Variants in MIPOL1 observed in about 807,000 individuals in gnomAD.
MIPOL1 encodes mirror-image polydactyly 1.
In MIPOL1, 57 loss-of-function variants were observed where a neutral mutation model predicts 60.9. The ratio of observed to expected loss-of-function variants is 0.94; its 90% CI spans 0.76 to 1.17. The LOEUF (loss-of-function observed/expected upper bound fraction) is 1.17, where lower values mean the gene tolerates loss of function less well. MIPOL1 is among the 50% of genes most tolerant of loss of function. The pLI is 0.00. For missense variants in MIPOL1, 551 were observed against 511.6 expected (o/e 1.08, Z -0.74); for synonymous variants, 179 against 168.8 (o/e 1.06, Z -0.47).
At chr14:37,242,564 T>C (rs976159936) in intron 1 of MIPOL1, among the ~76,000 whole-genome samples, 1 of 152,206 alleles carries the variant, frequency 6.6e-6, no homozygotes, top group Non-Finnish European at 1.5e-5. Context: ...TCCATATGGT[T>C]GAGCCACATT....
intron 11 of MIPOL1, among the ~76,000 whole-genome samples, chr14:37,498,782 C>A (rs1049555792): frequency 6.6e-6 from 1 of 152,000 alleles, no homozygotes; most frequent in Non-Finnish European, 1.5e-5. Flanking sequence ...TCATATCCAT[C>A]CTAGTTCTAT....
At chr14:37,217,966 A>AT (rs925391300) in intron 1 of MIPOL1, among the ~76,000 whole-genome samples, 2 of 152,166 alleles carry the variant, frequency 1.3e-5, no homozygotes, top group African/African-American at 4.8e-5. Context: ...TACATCTCAC[A>AT]TTTAAAAAAA....
At chr14:37,427,533 T>G (rs2093986485) in intron 11 of MIPOL1, among the ~76,000 whole-genome samples, 1 of 152,176 alleles carries the variant, frequency 6.6e-6, no homozygotes, top group African/African-American at 2.4e-5. Context: ...TTACTGCCAG[T>G]AAGTTGTGCA....
intron 10 of MIPOL1, among the ~76,000 whole-genome samples, chr14:37,409,931 G>A (rs573205427): frequency 3.9e-5 from 6 of 152,244 alleles, no homozygotes; most frequent in East Asian, 1.9e-4. Flanking sequence ...ATTGGGCTCC[G>A]AAAAGGAGAG....
intron 12 of MIPOL1, among the ~76,000 whole-genome samples, chr14:37,511,572 T>G (rs575766250): frequency 6.6e-6 from 1 of 152,346 alleles, no homozygotes; most frequent in South Asian, 2.1e-4. Context: ...CATGAGAGAT[T>G]TAAAACTTTG....
At chr14:37,327,610 T>C (rs978468240) in intron 9 of MIPOL1, among the ~76,000 whole-genome samples, 18 of 152,086 alleles carry the variant, frequency 1.2e-4, no homozygotes, top group African/African-American at 3.9e-4. Context: ...TAGCTGACAG[T>C]GAAAGTGGAG....
intron 11 of MIPOL1, among the ~76,000 whole-genome samples, chr14:37,483,808 A>T (rs567062598): frequency 1.8e-4 from 28 of 152,076 alleles, no homozygotes; most frequent in African/African-American, 4.1e-4. Flanking sequence ...CTGATTTTTT[A>T]AAAATTTTGT....
At chr14:37,296,176 A>T (rs1177768217) in intron 7 of MIPOL1, among the ~76,000 whole-genome samples, 1 of 152,240 alleles carries the variant, frequency 6.6e-6, no homozygotes, top group Non-Finnish European at 1.5e-5. Context: ...AGCTACGTGG[A>T]AACTGAACAA....
At position 37,330,343 on chromosome 14, in the gene MIPOL1, A is replaced by T. The variant is rs913849397; in HGVS notation, c.828+21824A>T. On this transcript the variant is annotated intron_variant, in intron 9 of 12. Transcript: ENST00000684589. ...CTTTTAATTCAGCTACTATAATTGT[A>T]ATCTCAAATCCATTTAGTCTCCAAA... 9.2e-5 allele frequency among the ~76,000 whole-genome samples: 14 copies of T among 152,242 alleles called. No homozygotes were observed. In the Middle Eastern group the frequency reaches 0.01, roughly 111 times the overall value.
At chr14:37,450,873 TCCTC>T (rs1422418571) in intron 11 of MIPOL1, among the ~76,000 whole-genome samples, 2 of 152,128 alleles carry the variant, frequency 1.3e-5, no homozygotes, top group Non-Finnish European at 2.9e-5. Context: ...CGTGTCCACT[TCCTC>T]ATTGTTTTTA....
chr14:37,343,637 A>G (rs1486091986), intron 9 of MIPOL1, among the ~76,000 whole-genome samples: 1 of 152,186 alleles, frequency 6.6e-6, no homozygotes, highest in African/African-American at 2.4e-5. Flanking sequence ...TTAAAAACTT[A>G]GACGATGTTA....
chr14:37,493,468 C>T (rs560934888), intron 11 of MIPOL1, among the ~76,000 whole-genome samples: 2 of 152,140 alleles, frequency 1.3e-5, no homozygotes, highest in East Asian at 3.9e-4. Context: ...CCACTTCAGA[C>T]AGGAAATCTA....
intron 9 of MIPOL1, among the ~76,000 whole-genome samples, chr14:37,366,164 C>G (rs996089267): frequency 6.6e-6 from 1 of 151,086 alleles, no homozygotes; most frequent in African/African-American, 2.4e-5. Context: ...TTATTCATTT[C>G]TGCTCTGATC....
chr14:37,423,059 T>G (rs911535452), intron 11 of MIPOL1, 110 bp downstream of exon 11: 36 of 661,724 alleles, frequency 5.4e-5, no homozygotes, highest in South Asian at 2.1e-4. Context: ...TTAAATATTA[T>G]GCACTTAAAG....
intron 5 of MIPOL1, 143 bp downstream of exon 5, chr14:37,268,936 A>G (rs150203884): frequency 1.6e-6 from 1 of 634,784 alleles, no homozygotes; most frequent in Non-Finnish European, 2.5e-6. Context: ...ATACCTTGCC[A>G]TCAGGGTATG....
intron 10 of MIPOL1, among the ~76,000 whole-genome samples, chr14:37,398,710 C>T (rs2093425191): frequency 6.6e-6 from 1 of 152,134 alleles, no homozygotes. Context: ...AAATCACACC[C>T]CTTCTAGCAG....
chr14:37,529,893 T>G (rs4900945), intron 12 of MIPOL1, among the ~76,000 whole-genome samples: 115,837 of 152,146 alleles, frequency 0.76, 44,457 homozygotes, highest in African/African-American at 0.85. Context: ...AGTATGCAAA[T>G]GCATTTAGAT....
At chr14:37,538,931 G>A (rs969286263) in intron 12 of MIPOL1, among the ~76,000 whole-genome samples, 16 of 151,808 alleles carry the variant, frequency 1.1e-4, no homozygotes, top group African/African-American at 3.1e-4. Context: ...CAGCTGACGC[G>A]GTGGCTCACA....
rs189624439 is a variant in MIPOL1, at chr14:37,407,754, C to T, written c.937-15101C>T. 3.3e-5 allele frequency among the ~76,000 whole-genome samples: 5 copies of T among 150,668 alleles called. No individual in the cohort carries two copies. In the East Asian group the frequency reaches 9.8e-4, roughly 30 times the overall value. On this transcript the variant is annotated intron_variant, in intron 10 of 12. Coordinates refer to ENST00000684589, the MANE Select transcript of MIPOL1 (RefSeq NM_001388067.1). ...GATAATATTGGAAATTTACCTTGTA[C>T]TATTCTTAATCATTTAATCAAAATT... is the stretch of plus-strand genomic sequence containing the variant.
Sources: allele counts gnomAD v4.1 joint callset (sites outside exome capture counted in the v4.1 genomes callset), GRCh38; gene constraint gnomAD v4.1.1; transcripts MANE v1.5; gene names NCBI Gene and HGNC (gene_info 2026-07-23, HGNC 2026-07-21).